ZNF248: variants seen among roughly 807,000 people sequenced by gnomAD.
The protein encoded by ZNF248 is zinc finger protein 248, also known as KRAB protein domain.
ZNF248 carries 20 observed loss-of-function variants against 44.3 expected under a neutral mutation model. That is an observed-to-expected ratio of 0.45 (90% CI 0.32 to 0.66). ZNF248 has a LOEUF of 0.66. ZNF248 is among the 30% of genes least tolerant of loss of function. ZNF248 has a pLI of 0.04. For synonymous variants in ZNF248, 224 were observed against 229.0 expected (o/e 0.98, Z 0.20); for missense variants, 654 against 677.0 (o/e 0.97, Z 0.38).
the ZNF248 span, among the ~76,000 whole-genome samples, chr10:37,767,607 A>G: frequency 2.0e-5 from 3 of 152,198 alleles, no homozygotes; most frequent in African/African-American, 7.2e-5. Flanking sequence ...CCTGCCCTAA[A>G]ATAGCTCCTG....
At chr10:37,774,987 C>T (rs947326419), downstream of ZNF248, among the ~76,000 whole-genome samples, 1 of 152,012 alleles carries the variant, frequency 6.6e-6, no homozygotes, top group African/African-American at 2.4e-5. Context: ...CCAAGCTGGT[C>T]TCAAACTCTT....
At chr10:37,805,305 A>G (rs1418907947) in intron 6 of ZNF248, among the ~76,000 whole-genome samples, 3 of 152,226 alleles carry the variant, frequency 2.0e-5, no homozygotes, top group African/African-American at 7.2e-5. Flanking sequence ...GATCTGTACA[A>G]TAAATGATGC....
intron 5 of ZNF248, among the ~76,000 whole-genome samples, chr10:37,835,697 T>C (rs762815618): frequency 2.0e-5 from 3 of 152,012 alleles, no homozygotes; most frequent in Non-Finnish European, 4.4e-5. Context: ...AGAAAGAAGA[T>C]GAGGAGGAGC....
At chr10:37,808,148 T>TG (rs2133340067) in intron 6 of ZNF248, among the ~76,000 whole-genome samples, 1 of 152,186 alleles carries the variant, frequency 6.6e-6, no homozygotes, top group East Asian at 1.9e-4. Flanking sequence ...ATGTGATGTA[T>TG]TACATTAGGT....
intron 6 of ZNF248, among the ~76,000 whole-genome samples, chr10:37,805,586 G>T (rs1396908438): frequency 3.9e-5 from 6 of 151,978 alleles, no homozygotes; most frequent in Non-Finnish European, 7.4e-5. Context: ...TTTTGGTTTG[G>T]TGTTTCTTGA....
intron 6 of ZNF248, among the ~76,000 whole-genome samples, chr10:37,780,744 T>C (rs1255378165): frequency 1.3e-5 from 2 of 151,858 alleles, no homozygotes; most frequent in East Asian, 3.9e-4. Context: ...CCGGCCACCC[T>C]CCGACTCACA....
chr10:37,811,490 A>G (rs1398295044), intron 6 of ZNF248, among the ~76,000 whole-genome samples: 1 of 151,904 alleles, frequency 6.6e-6, no homozygotes, highest in African/African-American at 2.4e-5. Flanking sequence ...AAGCTAGACA[A>G]TTTAAAGCCA....
the ZNF248 span, among the ~76,000 whole-genome samples, chr10:37,769,725 C>T: frequency 0.013 from 1,961 of 152,198 alleles, 24 homozygotes; most frequent in Middle Eastern, 0.054. Context: ...GACAGGGATG[C>T]CCTCTCTCAC....
At chr10:37,834,742 T>C (rs2056740185) in intron 5 of ZNF248, among the ~76,000 whole-genome samples, 1 of 152,212 alleles carries the variant, frequency 6.6e-6, no homozygotes, top group African/African-American at 2.4e-5. Context: ...TAATAAGCCA[T>C]TACTATTCAA....
rs140619810 is a variant in ZNF248 at position 37,819,419 on chromosome 10, T to C, written c.330+13606A>G. ...CTTGTGGTAATTCTCCTTTTTCTCA[T>C]CTCTCCAGTTTTTATTTAACTGGTG... On this transcript the variant is annotated intron_variant, in intron 6 of 6. Transcript: ENST00000615949. 8.7e-4 allele frequency: 1,354 copies of C among 1,560,706 alleles called. 20 individuals carry two copies. The East Asian group carries it at 0.028, about 32-fold the overall frequency.
At chr10:37,846,301 C>A (rs1148285) in intron 3 of ZNF248, among the ~76,000 whole-genome samples, 9,118 of 152,208 alleles carry the variant, frequency 0.06, 354 homozygotes, top group Middle Eastern at 0.095. Context: ...TAATGAATTA[C>A]TAAATTTAGA....
chr10:37,805,122 G>A (rs1314508919), intron 6 of ZNF248, among the ~76,000 whole-genome samples: 3 of 152,190 alleles, frequency 2.0e-5, no homozygotes, highest in Non-Finnish European at 4.4e-5. Context: ...TCGGAGAGTG[G>A]TAGAAGTAAT....
At chr10:37,771,675 AATG>A (rs2046238408), downstream of ZNF248, among the ~76,000 whole-genome samples, 1 of 151,868 alleles carries the variant, frequency 6.6e-6, no homozygotes, top group Non-Finnish European at 1.5e-5. Flanking sequence ...TCTAATGCTA[AATG>A]ATGAGTTAAT....
chr10:37,851,611 G>A (rs1489750531), intron 3 of ZNF248, among the ~76,000 whole-genome samples: 8 of 151,346 alleles, frequency 5.3e-5, no homozygotes. Flanking sequence ...TCTTGTTACA[G>A]GGGTTCAAGA....
the ZNF248 span, among the ~76,000 whole-genome samples, chr10:37,763,034 G>A: frequency 6.6e-6 from 1 of 152,146 alleles, no homozygotes; most frequent in Non-Finnish European, 1.5e-5. Flanking sequence ...ATTAATATAT[G>A]CCAGGAAACG....
the ZNF248 span, among the ~76,000 whole-genome samples, chr10:37,761,692 A>G: frequency 1.3e-5 from 2 of 152,172 alleles, no homozygotes; most frequent in African/African-American, 4.8e-5. Context: ...ACAGCTACCC[A>G]TGATCAATTT....
chr10:37,773,441 A>C (rs1287729534), downstream of ZNF248, among the ~76,000 whole-genome samples: 1 of 152,342 alleles, frequency 6.6e-6, no homozygotes, highest in South Asian at 2.1e-4. Context: ...TCACTGTTGG[A>C]GGGACATAAA....
In ZNF248 at chr10:37,832,097, T is replaced by A; in HGVS notation, c.1258A>T (p.Lys420Ter). 6.2e-7 allele frequency: 1 copy of A among 1,614,030 alleles called. No homozygotes were observed. Among genetic ancestry groups the A allele is most frequent in the Non-Finnish European group, 8.5e-7 (1 of 1,179,940 alleles). Reference sequence around the variant, plus strand: ...CGCTGATGGTTGGTCAGGTGTGGTTTCTGGCAAAAGGCTTTCCCACATTCA... The same window carrying A: ...CGCTGATGGTTGGTCAGGTGTGGTTACTGGCAAAAGGCTTTCCCACATTCA... ...CTECGKAFCQ[K>*]PHLTNHQRTH... is the part of the protein sequence containing the mutation. The change falls in exon 6 of 6, where the codon AAA becomes TAA. Residue 420 changes from lysine (K) to a stop codon, truncating the protein, a stop_gained. Transcript: ENST00000395867. LOFTEE classifies it high-confidence loss of function.
downstream of ZNF248, among the ~76,000 whole-genome samples, chr10:37,774,949 T>C (rs959772774): frequency 2.6e-5 from 4 of 152,042 alleles, no homozygotes; most frequent in African/African-American, 4.8e-5. Flanking sequence ...TTTTGTATTT[T>C]TAGCAGAGAC....
Sources: gnomAD v4.1 joint callset for allele counts (sites outside exome capture counted in the v4.1 genomes callset) on GRCh38, gnomAD v4.1.1 for gene constraint, MANE v1.5 for transcripts, NCBI Gene and HGNC (gene_info 2026-07-23, HGNC 2026-07-21) for gene names.